Variants in DENND5A observed in about 807,000 individuals in gnomAD.
DENND5A encodes the protein DENN domain-containing protein 5A.
Under a neutral mutation model 140.3 loss-of-function variants are expected in DENND5A, and 64 were observed. The ratio of observed to expected loss-of-function variants is 0.46; its 90% CI spans 0.37 to 0.56. DENND5A has a LOEUF of 0.56. Among genes scored for constraint, DENND5A ranks in the 20% least tolerant of loss-of-function variants. The pLI, the probability that DENND5A is intolerant of heterozygous loss-of-function variation, is 0.00. For missense variants in DENND5A, 1,292 were observed against 1,593.8 expected, an observed-to-expected ratio of 0.81 and a Z score of 3.22; for synonymous variants, 605 against 607.7, an observed-to-expected ratio of 1.00 and a Z score of 0.07.
At chr11:9,189,392 C>G (rs542073957) in intron 5 of DENND5A, among the ~76,000 whole-genome samples, 1 of 152,268 alleles carries the variant, frequency 6.6e-6, no homozygotes, top group African/African-American at 2.4e-5. Context: ...CACACAGAGT[C>G]CCTACTGAGA....
chr11:9,227,632 C>T (rs1335844223), intron 1 of DENND5A, among the ~76,000 whole-genome samples: 1 of 152,128 alleles, frequency 6.6e-6, no homozygotes, highest in Non-Finnish European at 1.5e-5. Context: ...TGTTTAATTT[C>T]TTCTAGGTAA....
chr11:9,170,487 C>A, intron 9 of DENND5A, 140 bp downstream of exon 9: 1 of 1,144,252 alleles, frequency 8.7e-7, no homozygotes, highest in East Asian at 2.4e-5. Flanking sequence ...AATAAGCAAA[C>A]CACCTAGATA....
chr11:9,146,765 G>C (rs1242698659), intron 16 of DENND5A: 3 of 332,418 alleles, frequency 9.0e-6, no homozygotes, highest in Non-Finnish European at 1.7e-5. Context: ...CATCAGCTTA[G>C]GCTCCCAGAG....
At position 9,144,293 on chromosome 11, in the gene DENND5A, A is replaced by G; in HGVS notation, c.3123-15T>C. On this transcript the variant is annotated splice_polypyrimidine_tract_variant and intron_variant, in intron 18 of 22. Coordinates refer to ENST00000328194, the MANE Select transcript of DENND5A (RefSeq NM_015213.4). ...CACACGGGAACCTGAAGATCAGACA[A>G]TGGACTGTCAGAGCAGCCAGCTCCT... 6.2e-7 allele frequency: 1 copy of G among 1,613,058 alleles called. No homozygotes were observed. Among genetic ancestry groups the G allele is most frequent in the Non-Finnish European group, 8.5e-7 (1 of 1,179,808 alleles).
intron 1 of DENND5A, among the ~76,000 whole-genome samples, chr11:9,244,519 G>A (rs1301329722): frequency 6.6e-6 from 1 of 152,080 alleles, no homozygotes; most frequent in Non-Finnish European, 1.5e-5. Flanking sequence ...ACAGGCATGT[G>A]CCACCACGCC....
chr11:9,245,012 C>CAT (rs1851405360), intron 1 of DENND5A, among the ~76,000 whole-genome samples: 1 of 144,480 alleles, frequency 6.9e-6, no homozygotes, highest in East Asian at 2.5e-4. Context: ...AGGCCGGGTG[C>CAT]GGTGGCTCAT....
chr11:9,181,327 G>A (rs1195516859), intron 5 of DENND5A, among the ~76,000 whole-genome samples: 1 of 152,176 alleles, frequency 6.6e-6, no homozygotes, highest in Non-Finnish European at 1.5e-5. Flanking sequence ...TTCCTTAGCT[G>A]TAAAATGGAG....
intron 1 of DENND5A, among the ~76,000 whole-genome samples, chr11:9,209,825 G>C (rs1342456563): frequency 6.6e-6 from 1 of 152,230 alleles, no homozygotes; most frequent in African/African-American, 2.4e-5. Context: ...ACAGTAAGGG[G>C]CTGGGCACGG....
rs555315988 is a variant in DENND5A, at chr11:9,190,388, G to A, written c.1137+3106C>T. 3.3e-5 allele frequency among the ~76,000 whole-genome samples: 5 copies of A among 152,076 alleles called. No individual in the cohort carries two copies. The South Asian group carries it at 1.0e-3, about 32-fold the overall frequency. On this transcript the variant is annotated intron_variant, in intron 5 of 22. Transcript: ENST00000328194. ...ATGTGTTGTGTGAGGTACCCAGTAGGGGGTAGTTGAATCATGGGGGCAGGT... is the reference window on the plus strand; with the variant it reads ...ATGTGTTGTGTGAGGTACCCAGTAGAGGGTAGTTGAATCATGGGGGCAGGT...
intron 22 of DENND5A, among the ~76,000 whole-genome samples, chr11:9,141,570 C>T (rs1847241701): frequency 1.3e-5 from 2 of 152,172 alleles, no homozygotes; most frequent in Admixed American, 1.3e-4. Context: ...CTTCCTGCCA[C>T]AGCAGCCTGA....
chr11:9,145,940 G>A, intron 16 of DENND5A, 125 bp from the exon 17 acceptor site: 1 of 1,046,192 alleles, frequency 9.6e-7, no homozygotes, highest in Non-Finnish European at 1.4e-6. Context: ...CTCAAGCAGA[G>A]CCCTGGAACA....
At chr11:9,187,320 T>G (rs1249169181) in intron 5 of DENND5A, among the ~76,000 whole-genome samples, 1 of 151,822 alleles carries the variant, frequency 6.6e-6, no homozygotes, top group African/African-American at 2.4e-5. Context: ...TTGGGGAGAG[T>G]AGCCTGGAAG....
chr11:9,145,773 C>T lies in DENND5A; in HGVS notation c.2900G>A (p.Gly967Glu). The part of the protein sequence containing the change: ...HILIVPSKKL[G>E]GSMFTANPWI... ...TGGGTTGGCAGTGAACATGGAGCCC[C>T]CCAGCTTCTTGCTTGGTACGATCAG... Residue 967 changes from glycine (G) to glutamate (E), a missense_variant, in exon 17 of 23, where the codon GGG becomes GAG. Gly to Glu is a moderately conservative substitution (Grantham distance 98). Transcript: ENST00000328194. The T allele has an allele frequency of 6.2e-7, 1 of 1,614,160 alleles. No individual in the cohort carries two copies. The highest frequency in any genetic ancestry group is 8.5e-7 in the Non-Finnish European group (1 of 1,180,016).
At position 9,261,653 on chromosome 11, in the gene DENND5A, G is replaced by A. The variant is rs113922217; in HGVS notation, c.109+3308C>T. On this transcript the variant is annotated intron_variant, in intron 1 of 22. Coordinates refer to ENST00000328194, the MANE Select transcript of DENND5A (RefSeq NM_015213.4). ...ATTAGCCTGATGTGGTGGCACGCGCGGCTCATAATCCCAGCTACTCGGGAG... is the reference window on the plus strand; with the variant it reads ...ATTAGCCTGATGTGGTGGCACGCGCAGCTCATAATCCCAGCTACTCGGGAG... 3.4e-3 allele frequency among the ~76,000 whole-genome samples: 509 copies of A among 151,600 alleles called. 4 individuals are homozygous for A. Among genetic ancestry groups the A allele is most frequent in the Non-Finnish European group, 5.9e-3 (400 of 67,950 alleles).
intron 5 of DENND5A, among the ~76,000 whole-genome samples, chr11:9,189,631 GGTTT>G (rs1027007228): frequency 6.5e-5 from 9 of 139,428 alleles, no homozygotes; most frequent in Admixed American, 6.4e-4. Flanking sequence ...TTTTTTTTTT[GGTTT>G]TTTTGTTTGT....
At chr11:9,209,575 G>T (rs1452436521) in intron 1 of DENND5A, among the ~76,000 whole-genome samples, 1 of 152,150 alleles carries the variant, frequency 6.6e-6, no homozygotes, top group Non-Finnish European at 1.5e-5. Context: ...GGGTGCCAAA[G>T]TTAGACAAAT....
At chr11:9,211,636 G>GA (rs1849881260) in intron 1 of DENND5A, among the ~76,000 whole-genome samples, 1 of 151,940 alleles carries the variant, frequency 6.6e-6, no homozygotes, top group African/African-American at 2.4e-5. Flanking sequence ...CATAATGAAT[G>GA]AAAAAATAGA....
intron 1 of DENND5A, among the ~76,000 whole-genome samples, chr11:9,256,244 G>A (rs1026119996): frequency 3.9e-5 from 6 of 152,200 alleles, no homozygotes; most frequent in South Asian, 2.1e-4. Context: ...GGTGGATCAT[G>A]AAGTCAGGAG....
intron 5 of DENND5A, among the ~76,000 whole-genome samples, chr11:9,187,600 T>C (rs1009036217): frequency 6.6e-5 from 10 of 152,134 alleles, no homozygotes; most frequent in Non-Finnish European, 1.3e-4. Context: ...GAAAAAGCTA[T>C]TGAAGGAGTG....
Sources: gnomAD v4.1 joint callset for allele counts (sites outside exome capture counted in the v4.1 genomes callset) on GRCh38, gnomAD v4.1.1 for gene constraint, MANE v1.5 for transcripts, NCBI Gene and HGNC (gene_info 2026-07-23, HGNC 2026-07-21) for gene names.